Variants in CCDC91 observed in about 807,000 individuals in gnomAD.
CCDC91 encodes the protein coiled-coil domain containing 91.
In CCDC91, 48 loss-of-function variants were observed where a neutral mutation model predicts 63.2. That is an observed-to-expected ratio of 0.76 (90% CI 0.60 to 0.97). The LOEUF (loss-of-function observed/expected upper bound fraction) is 0.97, where lower values mean the gene tolerates loss of function less well. Ranked by LOEUF, CCDC91 falls within the 50% of genes least tolerant of loss-of-function variation. The probability of loss-of-function intolerance (pLI) is 0.00; values close to 1 mark genes in which losing one functional copy is unlikely to be tolerated. For synonymous variants in CCDC91, 167 were observed against 165.8 expected, an observed-to-expected ratio of 1.01 and a Z score of -0.06; for missense variants, 500 against 494.6, an observed-to-expected ratio of 1.01 and a Z score of -0.10.
intron 12 of CCDC91, among the ~76,000 whole-genome samples, chr12:28,512,448 G>T (rs1318447607): frequency 1.3e-5 from 2 of 151,854 alleles, no homozygotes; most frequent in Non-Finnish European, 2.9e-5. Flanking sequence ...ACTAAGGCCA[G>T]CTATCTATCT....
intron 8 of CCDC91, among the ~76,000 whole-genome samples, chr12:28,402,697 G>A (rs749133450): frequency 9.2e-5 from 14 of 151,746 alleles, no homozygotes; most frequent in African/African-American, 1.2e-4. Context: ...AAGCAGTTGC[G>A]AGAAAGGGAA....
intron 6 of CCDC91, among the ~76,000 whole-genome samples, chr12:28,342,943 A>C (rs1942540532): frequency 6.6e-6 from 1 of 152,188 alleles, no homozygotes; most frequent in Non-Finnish European, 1.5e-5. Flanking sequence ...CTAATACTGC[A>C]TATCATGCCT....
intron 7 of CCDC91, among the ~76,000 whole-genome samples, chr12:28,386,344 A>C (rs749662561): frequency 4.6e-5 from 7 of 152,066 alleles, no homozygotes; most frequent in East Asian, 1.9e-4. Context: ...GAGACCTACA[A>C]ATTTTTTAAC....
chr12:28,329,619 T>C lies in CCDC91; in HGVS notation c.576+21870T>C, dbSNP rs955418263. Among the ~76,000 whole-genome samples the C allele has an allele frequency of 7.2e-5, 11 of 152,180 alleles. No individual in the cohort carries two copies. In the South Asian group the frequency reaches 1.0e-3, roughly 14 times the overall value. On this transcript the variant is annotated intron_variant, in intron 6 of 12. Coordinates refer to ENST00000536442, the MANE Select transcript of CCDC91 (RefSeq NM_018318.5). ...ATATTAAGGACATTATTAAGGATTATTATTTTTTTTATTATACTTTAAGTT... is the reference window on the plus strand; with the variant it reads ...ATATTAAGGACATTATTAAGGATTACTATTTTTTTTATTATACTTTAAGTT...
At chr12:28,391,245 C>T in intron 7 of CCDC91, 59 bp from the exon 8 acceptor site, 1 of 944,162 alleles carries the variant, frequency 1.1e-6, no homozygotes, top group Non-Finnish European at 1.7e-6. Context: ...TATTCTCGTG[C>T]CAACAGTAGA....
intron 3 of CCDC91, among the ~76,000 whole-genome samples, chr12:28,259,867 T>A (rs1946714784): frequency 6.6e-6 from 1 of 151,898 alleles, no homozygotes; most frequent in Non-Finnish European, 1.5e-5. Context: ...AAAATTAAAA[T>A]TAAAAATTAA....
At chr12:28,444,044 A>G (rs1949372134) in intron 8 of CCDC91, among the ~76,000 whole-genome samples, 1 of 152,194 alleles carries the variant, frequency 6.6e-6, no homozygotes, top group Admixed American at 6.5e-5. Flanking sequence ...ACAGGCCTCT[A>G]GGAATAGCAT....
At chr12:28,362,637 C>T in intron 7 of CCDC91, 122 bp downstream of exon 7, 4 of 537,322 alleles carry the variant, frequency 7.4e-6, no homozygotes, top group Non-Finnish European at 1.3e-5. Flanking sequence ...TATAGAATTT[C>T]TTTCCATTCA....
chr12:28,283,520 G>A (rs1948731297), intron 3 of CCDC91, among the ~76,000 whole-genome samples: 1 of 149,114 alleles, frequency 6.7e-6, no homozygotes, highest in African/African-American at 2.4e-5. Context: ...GTCATTATTG[G>A]TGTATAGCAG....
At chr12:28,394,731 T>C (rs1272243851) in intron 8 of CCDC91, among the ~76,000 whole-genome samples, 4 of 151,478 alleles carry the variant, frequency 2.6e-5, no homozygotes, top group South Asian at 2.1e-4. Context: ...TCTCTCTCTC[T>C]CCCCCTTTTT....
At chr12:28,302,628 GTTA>G (rs1483038831) in intron 3 of CCDC91, 35 of 984,618 alleles carry the variant, frequency 3.6e-5, no homozygotes, top group Non-Finnish European at 4.0e-5. Flanking sequence ...GTCAGGGAAT[GTTA>G]GTAGTATGGT....
At chr12:28,226,035 T>C (rs1944251663) in intron 1 of CCDC91, 1 of 152,224 alleles carries the variant, frequency 6.6e-6, no homozygotes, top group African/African-American at 2.4e-5. Flanking sequence ...ACTTGCAGTA[T>C]TTAAAGACTG....
chr12:28,267,868 T>TTATTAATATATAATTATA (rs1565700699), intron 3 of CCDC91, among the ~76,000 whole-genome samples: 2 of 56,700 alleles, frequency 3.5e-5, no homozygotes, highest in African/African-American at 1.5e-4. Flanking sequence ...TATAATTATA[T>TTATTAATATATAATTATA]ATAATTATAT....
At chr12:28,325,293 C>G (rs1940883487) in intron 6 of CCDC91, among the ~76,000 whole-genome samples, 1 of 151,954 alleles carries the variant, frequency 6.6e-6, no homozygotes, top group Non-Finnish European at 1.5e-5. Flanking sequence ...GTTAGGAGGT[C>G]TGAATGTACT....
chr12:28,522,521 C>T (rs1940808507), intron 12 of CCDC91, among the ~76,000 whole-genome samples: 3 of 152,094 alleles, frequency 2.0e-5, no homozygotes, highest in Non-Finnish European at 2.9e-5. Context: ...TTTCAAAAAA[C>T]AAGCTCCTGG....
At chr12:28,520,424 T>A (rs998087311) in intron 12 of CCDC91, among the ~76,000 whole-genome samples, 1 of 152,186 alleles carries the variant, frequency 6.6e-6, no homozygotes, top group Non-Finnish European at 1.5e-5. Flanking sequence ...GGATGTTTGA[T>A]TTTTTCTTGT....
At position 28,482,270 on chromosome 12, in the gene CCDC91, C is replaced by T. The variant is rs368888625; in HGVS notation, c.1102-1782C>T. Among the ~76,000 whole-genome samples, 5 of 146,068 alleles carry T rather than the reference C, an allele frequency of 3.4e-5. No homozygotes were observed. The East Asian group carries it at 9.7e-4, about 28-fold the overall frequency. The stretch of plus-strand genomic sequence containing the variant: ...TCTATAAGAATTATAAAAGCAGATG[C>T]TGAATAGTTTTATTCTTATGTTTTT... On this transcript the variant is annotated intron_variant, in intron 11 of 12. Transcript: ENST00000536442.
At chr12:28,467,802 A>C (rs1220263597) in intron 11 of CCDC91, among the ~76,000 whole-genome samples, 1 of 151,960 alleles carries the variant, frequency 6.6e-6, no homozygotes, top group Non-Finnish European at 1.5e-5. Context: ...ATCAATAACA[A>C]GAGGAATTTT....
At chr12:28,203,757 A>G (rs538726371) in intron 1 of CCDC91, among the ~76,000 whole-genome samples, 3 of 152,248 alleles carry the variant, frequency 2.0e-5, no homozygotes, top group Non-Finnish European at 4.4e-5. Flanking sequence ...TGGTGCAGAC[A>G]TAGAACATTA....
Sources: gnomAD v4.1 joint callset for allele counts (sites outside exome capture counted in the v4.1 genomes callset) on GRCh38, gnomAD v4.1.1 for gene constraint, MANE v1.5 for transcripts, NCBI Gene and HGNC (gene_info 2026-07-23, HGNC 2026-07-21) for gene names.